The following SLC13A3 variants were observed in gnomAD, a reference collection of about 807,000 sequenced individuals.
SLC13A3 encodes the protein solute carrier family 13 member 3.
A neutral mutation model predicts 59.0 loss-of-function variants in SLC13A3; 40 were observed. The observed-to-expected ratio is 0.68, with a 90% CI of 0.53 to 0.88. The LOEUF (loss-of-function observed/expected upper bound fraction) is 0.88. SLC13A3 is among the 40% of genes least tolerant of loss of function. The pLI, the probability that SLC13A3 is intolerant of heterozygous loss-of-function variation, is 0.00. For missense variants in SLC13A3, 699 were observed against 783.2 expected (o/e 0.89, Z 1.28); for synonymous variants, 317 against 330.3 (o/e 0.96, Z 0.44).
At chr20:46,575,743 C>T (rs767720529) in intron 9 of SLC13A3, 58 bp from the exon 10 acceptor site, 2 of 1,080,222 alleles carry the variant, frequency 1.9e-6, no homozygotes, top group Non-Finnish European at 2.7e-6. Flanking sequence ...AGGCAGAGGC[C>T]ACCAGCCCTG....
chr20:46,619,184 T>C (rs2062590437), intron 1 of SLC13A3, among the ~76,000 whole-genome samples: 1 of 152,134 alleles, frequency 6.6e-6, no homozygotes, highest in African/African-American at 2.4e-5. Flanking sequence ...ATTTGAGAGG[T>C]GTTTGGCACA....
Position 46,566,332 on chromosome 20 carries a change from G to C in SLC13A3, c.1391C>G (p.Pro464Arg). 6.2e-7 allele frequency: 1 copy of C among 1,612,982 alleles called. No individual in the cohort carries two copies. The highest frequency in any genetic ancestry group is 8.5e-7 in the Non-Finnish European group (1 of 1,179,120). The change falls in exon 11 of 13, where the codon CCC (proline) becomes CGC (arginine). Residue 464 changes from proline (P) to arginine (R), a missense_variant. Transcript: ENST00000279027. ...GQLHPLENVP[P>R]ALAVLLITVV... ...AGTGATGAGCAGCACAGCCAGGGCGGGGGGCACATTCTCCAGGGGGTGCAG... is the reference window on the plus strand; with the variant it reads ...AGTGATGAGCAGCACAGCCAGGGCGCGGGGCACATTCTCCAGGGGGTGCAG...
chr20:46,635,095 C>T (rs991889428), intron 1 of SLC13A3, among the ~76,000 whole-genome samples: 4 of 152,170 alleles, frequency 2.6e-5, no homozygotes, highest in African/African-American at 9.7e-5. Flanking sequence ...GATCAGTCTC[C>T]TGGAAAAGGC....
intron 1 of SLC13A3, among the ~76,000 whole-genome samples, chr20:46,639,432 C>G (rs924457643): frequency 6.6e-6 from 1 of 152,104 alleles, no homozygotes; most frequent in African/African-American, 2.4e-5. Flanking sequence ...GCACTCCAGC[C>G]TGGGCAACAG....
intron 9 of SLC13A3, among the ~76,000 whole-genome samples, chr20:46,579,217 A>G (rs745538890): frequency 2.6e-5 from 4 of 151,976 alleles, no homozygotes; most frequent in Admixed American, 2.0e-4. Flanking sequence ...GCTCACTGCA[A>G]CCTTGAACTC....
chr20:46,568,657 T>A (rs1187497794), intron 10 of SLC13A3, among the ~76,000 whole-genome samples: 2 of 152,156 alleles, frequency 1.3e-5, no homozygotes, highest in East Asian at 3.9e-4. Flanking sequence ...CTGCAAGGAG[T>A]GCTGCAGGGA....
intron 3 of SLC13A3, among the ~76,000 whole-genome samples, chr20:46,606,426 A>G (rs1661087960): frequency 6.6e-6 from 1 of 152,264 alleles, no homozygotes; most frequent in South Asian, 2.1e-4. Flanking sequence ...TTCACTCAAC[A>G]TTAAAGACCC....
chr20:46,567,158 C>T (rs888100319), intron 10 of SLC13A3, among the ~76,000 whole-genome samples: 3 of 152,132 alleles, frequency 2.0e-5, no homozygotes, highest in Admixed American at 1.3e-4. Flanking sequence ...CGCCACTGCA[C>T]TCCAGCCTGG....
upstream of SLC13A3, chr20:46,651,473 C>G: frequency 1.5e-6 from 2 of 1,369,320 alleles, no homozygotes; most frequent in Non-Finnish European, 1.9e-6. Context: ...CCGCCTGGCC[C>G]CGGCGCCGGC....
intron 3 of SLC13A3, among the ~76,000 whole-genome samples, chr20:46,608,470 C>A (rs2062457765): frequency 6.6e-6 from 1 of 152,194 alleles, no homozygotes; most frequent in African/African-American, 2.4e-5. Flanking sequence ...TATAAAGCTT[C>A]TCTTCACTTC....
At chr20:46,611,955 C>T (rs2062499017) in intron 2 of SLC13A3, among the ~76,000 whole-genome samples, 1 of 151,952 alleles carries the variant, frequency 6.6e-6, no homozygotes, top group African/African-American at 2.4e-5. Context: ...ATTTTGCTAA[C>T]ATCTAATCAA....
At chr20:46,682,343 A>G (rs2063157522) in intron 1 of SLC13A3, 2 of 152,162 alleles carry the variant, frequency 1.3e-5, no homozygotes, top group Admixed American at 6.5e-5. Flanking sequence ...GATGTTCCCA[A>G]CCCCTAAGGT....
At chr20:46,625,792 G>A (rs2062662252) in intron 1 of SLC13A3, among the ~76,000 whole-genome samples, 1 of 152,186 alleles carries the variant, frequency 6.6e-6, no homozygotes. Flanking sequence ...GTTTTGCTCA[G>A]CGTGATGTCT....
rs772865239 is a variant in SLC13A3, at chr20:46,589,197, C to G, written c.979G>C (p.Val327Leu). The change falls in exon 7 of 13, where the codon GTA becomes CTA. Residue 327 changes from valine to leucine, a missense_variant. Physicochemically the swap from Val to Leu is conservative, Grantham distance 32. Coordinates refer to ENST00000279027, the MANE Select transcript of SLC13A3 (RefSeq NM_022829.6). Reference protein sequence around the residue: ...RTNAEDRARAVIREEYQNLGP... With the variant: ...RTNAEDRARALIREEYQNLGP... ...AGGTTCTGGTATTCTTCCCGAATTA[C>G]AGCTCGAGCCCTATCTTCTGCATTG... 9.9e-6 allele frequency: 16 copies of G among 1,614,238 alleles called. No individual in the cohort carries two copies. The highest frequency in any genetic ancestry group is 1.4e-5 in the Non-Finnish European group (16 of 1,180,044).
intron 10 of SLC13A3, among the ~76,000 whole-genome samples, chr20:46,574,319 T>G (rs1009545394): frequency 4.6e-5 from 7 of 152,158 alleles, no homozygotes; most frequent in African/African-American, 1.7e-4. Flanking sequence ...GTTGCTTAAT[T>G]TTTCATGTCT....
Position 46,609,185 on chromosome 20 carries a change from T to C in SLC13A3, c.541+1261A>G, listed in dbSNP as rs937154947. The C allele has an allele frequency of 3.7e-5, 51 of 1,383,566 alleles. No homozygotes were observed. In the Admixed American group the frequency reaches 1.4e-3, roughly 39 times the overall value. The allele number at this position is 1,383,566 out of a possible 1,614,324, so 85.7% of individuals were successfully genotyped here. On this transcript the variant is annotated intron_variant, in intron 3 of 12. Transcript: ENST00000279027. ...AAAAGTAAGACATTTTAAAGTGACATGATGTGGCAGCCACTTTGCAACCAT... is the reference window on the plus strand; with the variant it reads ...AAAAGTAAGACATTTTAAAGTGACACGATGTGGCAGCCACTTTGCAACCAT...
intron 3 of SLC13A3, among the ~76,000 whole-genome samples, chr20:46,606,945 A>G (rs1209701390): frequency 6.6e-6 from 1 of 152,186 alleles, no homozygotes; most frequent in Non-Finnish European, 1.5e-5. Flanking sequence ...GGAACTGGAG[A>G]AAGGCAACAG....
At chr20:46,613,746 T>C in intron 1 of SLC13A3, 21 bp from the exon 2 acceptor site, 22 of 1,566,896 alleles carry the variant, frequency 1.4e-5, no homozygotes, top group Non-Finnish European at 1.8e-5. Flanking sequence ...AGATGCATGC[T>C]CAGAGGGTCA....
intron 9 of SLC13A3, among the ~76,000 whole-genome samples, chr20:46,579,276 T>A (rs111246866): frequency 3.3e-4 from 50 of 152,234 alleles, no homozygotes; most frequent in African/African-American, 1.1e-3. Flanking sequence ...TACAGGTGTG[T>A]GCCACCACAC....
Sources: allele counts gnomAD v4.1 joint callset (sites outside exome capture counted in the v4.1 genomes callset), GRCh38; gene constraint gnomAD v4.1.1; transcripts MANE v1.5; gene names NCBI Gene and HGNC (gene_info 2026-07-23, HGNC 2026-07-21).